The following ERICH2 variants were observed in gnomAD, a reference collection of about 807,000 sequenced individuals.
ERICH2 encodes glutamate-rich protein 2.
Under a neutral mutation model 17.4 loss-of-function variants are expected in ERICH2, and 17 were observed. The observed-to-expected ratio is 0.98, with a 90% CI of 0.67 to 1.47. The LOEUF (loss-of-function observed/expected upper bound fraction) is 1.47. ERICH2 is among the 40% of genes most tolerant of loss of function. ERICH2 has a pLI of 0.00. For synonymous variants in ERICH2, 51 were observed against 61.1 expected, an observed-to-expected ratio of 0.83 and a Z score of 0.77; for missense variants, 186 against 183.2, an observed-to-expected ratio of 1.01 and a Z score of -0.09.
intron 3 of ERICH2, among the ~76,000 whole-genome samples, chr2:170,796,757 T>TA (rs1159800217): frequency 6.6e-6 from 1 of 152,068 alleles, no homozygotes; most frequent in African/African-American, 2.4e-5. Flanking sequence ...GTCTTACTTT[T>TA]AGCCAGATGA....
At chr2:170,793,545 T>C (rs1385907080) in intron 3 of ERICH2, among the ~76,000 whole-genome samples, 3 of 152,188 alleles carry the variant, frequency 2.0e-5, no homozygotes, top group Non-Finnish European at 4.4e-5. Flanking sequence ...AGGCAGAGTG[T>C]GCCAGGGAGG....
chr2:170,787,987 C>T (rs935642457), intron 2 of ERICH2, among the ~76,000 whole-genome samples: 3 of 152,198 alleles, frequency 2.0e-5, no homozygotes, highest in South Asian at 2.1e-4. Context: ...CCATCAGGGC[C>T]GAAAGCCTCA....
At chr2:170,780,300 A>G (rs1039249087), upstream of ERICH2, among the ~76,000 whole-genome samples, 5 of 152,180 alleles carry the variant, frequency 3.3e-5, no homozygotes, top group African/African-American at 7.2e-5. Flanking sequence ...ACAGAAGTCA[A>G]TAGATTTTAG....
intron 2 of ERICH2, among the ~76,000 whole-genome samples, chr2:170,790,606 G>T (rs926100647): frequency 1.4e-5 from 2 of 147,922 alleles, no homozygotes; most frequent in Admixed American, 6.7e-5. Flanking sequence ...CAGCCTGGGG[G>T]ATAGAGCAAG....
the ERICH2 span, among the ~76,000 whole-genome samples, chr2:170,775,182 T>G: frequency 4.0e-5 from 6 of 151,706 alleles, no homozygotes; most frequent in Non-Finnish European, 7.4e-5. Context: ...ATCCCAGCAC[T>G]TTGGGAGGCC....
intron 3 of ERICH2, among the ~76,000 whole-genome samples, chr2:170,797,809 AAAAAAG>A (rs985522401): frequency 4.6e-5 from 7 of 151,706 alleles, no homozygotes; most frequent in African/African-American, 1.7e-4. Flanking sequence ...AAAAAAAAAA[AAAAAAG>A]AAAGAAAGAA....
the ERICH2 span, among the ~76,000 whole-genome samples, chr2:170,772,259 G>A: frequency 6.6e-6 from 1 of 152,134 alleles, no homozygotes; most frequent in Admixed American, 6.5e-5. Flanking sequence ...CAGTTTCGGC[G>A]TTTAGAACTG....
chr2:170,789,318 C>T (rs774189235), intron 2 of ERICH2, among the ~76,000 whole-genome samples: 15 of 152,082 alleles, frequency 9.9e-5, no homozygotes, highest in Admixed American at 6.6e-4. Context: ...CATCATGAAA[C>T]TTCACCCGTA....
At chr2:170,771,036 C>G in the ERICH2 span, 1 of 151,398 alleles carries the variant, frequency 6.6e-6, no homozygotes, top group African/African-American at 2.4e-5. This position sits in a 1 kb window ranked among gnomAD's most constrained non-coding sequence, Gnocchi z 4.8. Flanking sequence ...CCCCCACCCT[C>G]GGCTGCTGCC....
intron 2 of ERICH2, among the ~76,000 whole-genome samples, chr2:170,791,477 G>T (rs1047590384): frequency 6.6e-6 from 1 of 150,406 alleles, no homozygotes; most frequent in African/African-American, 2.5e-5. Flanking sequence ...GGATCACGAG[G>T]TCAGGAGATC....
intron 2 of ERICH2, among the ~76,000 whole-genome samples, chr2:170,792,342 A>G (rs980860301): frequency 2.6e-5 from 4 of 152,328 alleles, no homozygotes; most frequent in African/African-American, 7.2e-5. Flanking sequence ...GAATGTGTGT[A>G]TTTAGCTTTT....
upstream of ERICH2, among the ~76,000 whole-genome samples, chr2:170,780,930 T>C (rs1701011000): frequency 6.6e-6 from 1 of 152,236 alleles, no homozygotes; most frequent in South Asian, 2.1e-4. Flanking sequence ...TCAGTGATTC[T>C]ACAACTTTTC....
chr2:170,795,750 C>A (rs1322631068), intron 3 of ERICH2, among the ~76,000 whole-genome samples: 4 of 152,168 alleles, frequency 2.6e-5, no homozygotes, highest in Non-Finnish European at 5.9e-5. Context: ...ATCAATCTTC[C>A]TATTTTTTGG....
chr2:170,792,323 T>C (rs1701308479), intron 2 of ERICH2, among the ~76,000 whole-genome samples: 1 of 152,184 alleles, frequency 6.6e-6, no homozygotes, highest in African/African-American at 2.4e-5. Flanking sequence ...TGCTTCTTAA[T>C]TGGGGACAGA....
chr2:170,785,967 T>G (rs113849430), intron 2 of ERICH2, among the ~76,000 whole-genome samples: 1 of 152,192 alleles, frequency 6.6e-6, no homozygotes, highest in Non-Finnish European at 1.5e-5. Flanking sequence ...TTTCCCATCC[T>G]TTGTATTATT....
rs912444121 is a variant in ERICH2 at position 170,792,802 on chromosome 2, T to C, written c.217-61T>C. On this transcript the variant is annotated intron_variant, in intron 2 of 4. Coordinates refer to ENST00000409885, the Ensembl canonical transcript of ERICH2. ...AACTAATGATTAATGGAAGATTTTCTAGGGAGTTTAGAGTTGACAACATTT... is the reference window on the plus strand; with the variant it reads ...AACTAATGATTAATGGAAGATTTTCCAGGGAGTTTAGAGTTGACAACATTT... 1.0e-5 allele frequency: 11 copies of C among 1,057,038 alleles called. No homozygotes were observed. The African/African-American group carries it at 1.4e-4, about 14-fold the overall frequency. The allele number at this position is 1,057,038 out of a possible 1,614,324, so 65.5% of individuals were successfully genotyped here.
At chr2:170,788,830 A>G (rs1042400003) in intron 2 of ERICH2, among the ~76,000 whole-genome samples, 4 of 151,986 alleles carry the variant, frequency 2.6e-5, no homozygotes, top group African/African-American at 9.7e-5. Flanking sequence ...AACAATGAAC[A>G]CCTGAATACT....
rs139296112 is a variant in ERICH2 at position 170,787,241 on chromosome 2, C to A, written c.216+2408C>A. 4.8e-3 allele frequency among the ~76,000 whole-genome samples: 727 copies of A among 152,306 alleles called. 8 individuals are homozygous for A. Among genetic ancestry groups the A allele is most frequent in the African/African-American group, 0.016 (677 of 41,566 alleles). ...TACCTGGCAATTATTTACTGAATCC[C>A]AAACATTGTAAATCTTATGTTTTGG... is the stretch of plus-strand genomic sequence containing the variant. On this transcript the variant is annotated intron_variant, in intron 2 of 4. Coordinates refer to ENST00000409885, the Ensembl canonical transcript of ERICH2.
intron 2 of ERICH2, among the ~76,000 whole-genome samples, chr2:170,789,030 C>A (rs111660165): frequency 0.015 from 2,255 of 152,008 alleles, 57 homozygotes; most frequent in African/African-American, 0.052. Flanking sequence ...GGCACAATCT[C>A]ACCTCACTGC....
Sources: allele counts gnomAD v4.1 joint callset (sites outside exome capture counted in the v4.1 genomes callset), GRCh38; gene constraint gnomAD v4.1.1; non-coding constraint Gnocchi (gnomAD v3.1); transcripts MANE v1.5; gene names NCBI Gene and HGNC (gene_info 2026-07-23, HGNC 2026-07-21).